Variants in KCNMA1 observed in about 807,000 individuals in gnomAD.
KCNMA1 encodes potassium calcium-activated channel subfamily M alpha 1.
A neutral mutation model predicts 140.0 loss-of-function variants in KCNMA1; 29 were observed. The ratio of observed to expected loss-of-function variants is 0.21; its 90% CI spans 0.15 to 0.28. The LOEUF is 0.28. Ranked by LOEUF, KCNMA1 falls within the 10% of genes least tolerant of loss-of-function variation. The pLI is 1.00. For synonymous variants in KCNMA1, 612 were observed against 611.9 expected, an observed-to-expected ratio of 1.00 and a Z score of 0.00; for missense variants, 880 against 1,602.2, an observed-to-expected ratio of 0.55 and a Z score of 7.70.
At chr10:77,034,188 G>A (rs1297848321) in intron 15 of KCNMA1, among the ~76,000 whole-genome samples, 1 of 147,846 alleles carries the variant, frequency 6.8e-6, no homozygotes, top group African/African-American at 2.5e-5. Flanking sequence ...AGGTTGCCGT[G>A]AGCTAAGATC....
At chr10:77,474,823 T>C (rs969999902) in intron 1 of KCNMA1, among the ~76,000 whole-genome samples, 4 of 152,156 alleles carry the variant, frequency 2.6e-5, no homozygotes, top group Admixed American at 2.0e-4. Flanking sequence ...AGCAAGCTGC[T>C]CAGTCTTGGG....
chr10:77,105,943 T>C (rs1564568745), intron 9 of KCNMA1, among the ~76,000 whole-genome samples: 1 of 152,172 alleles, frequency 6.6e-6, no homozygotes, highest in Non-Finnish European at 1.5e-5. Context: ...GAATTCCAAA[T>C]GAAAACTCAA....
intron 1 of KCNMA1, among the ~76,000 whole-genome samples, chr10:77,444,342 T>C (rs1431617527): frequency 2.6e-5 from 4 of 152,292 alleles, no homozygotes; most frequent in East Asian, 3.9e-4. Context: ...TGTTTTGCCA[T>C]AGTAAATTCT....
intron 2 of KCNMA1, among the ~76,000 whole-genome samples, chr10:77,328,898 T>G (rs1783661036): frequency 6.6e-6 from 1 of 152,206 alleles, no homozygotes; most frequent in Non-Finnish European, 1.5e-5. Flanking sequence ...TGGAGTGCAG[T>G]GGCATGATCT....
intron 1 of KCNMA1, among the ~76,000 whole-genome samples, chr10:77,520,535 T>C (rs182968082): frequency 6.6e-6 from 1 of 152,150 alleles, no homozygotes; most frequent in East Asian, 1.9e-4. Context: ...GCCATTGTTG[T>C]CTTTATCATT....
intron 19 of KCNMA1, among the ~76,000 whole-genome samples, chr10:76,989,795 ACAGT>A (rs909550988): frequency 2.9e-5 from 4 of 139,976 alleles, no homozygotes; most frequent in Non-Finnish European, 6.1e-5. Flanking sequence ...TAGCTTGATG[ACAGT>A]CAGTCATTTG....
chr10:77,421,921 C>T (rs778988488), intron 1 of KCNMA1, among the ~76,000 whole-genome samples: 1 of 152,190 alleles, frequency 6.6e-6, no homozygotes, highest in Non-Finnish European at 1.5e-5. Flanking sequence ...TGTAAATTCA[C>T]GGAACACCAG....
intron 19 of KCNMA1, among the ~76,000 whole-genome samples, chr10:77,000,863 T>A (rs1181421072): frequency 0.087 from 1,166 of 13,428 alleles, 169 homozygotes; most frequent in Middle Eastern, 0.2. Context: ...AGAAAATATA[T>A]ATATATATAT....
intron 9 of KCNMA1, among the ~76,000 whole-genome samples, chr10:77,096,715 C>T (rs528425738): frequency 6.6e-6 from 1 of 152,292 alleles, no homozygotes; most frequent in South Asian, 2.1e-4. Flanking sequence ...TCCTATACAG[C>T]TTTGCCTGAA....
chr10:77,426,380 T>C (rs538331685), intron 1 of KCNMA1, among the ~76,000 whole-genome samples: 3 of 152,252 alleles, frequency 2.0e-5, no homozygotes, highest in African/African-American at 7.2e-5. Flanking sequence ...AAATAGTAAC[T>C]CATTGAATCC....
At chr10:77,004,733 C>T (rs535491691) in intron 18 of KCNMA1, among the ~76,000 whole-genome samples, 1 of 152,266 alleles carries the variant, frequency 6.6e-6, no homozygotes, top group South Asian at 2.1e-4. Flanking sequence ...TACCACCCCT[C>T]ATCTCTCTCA....
chr10:77,211,440 G>A (rs2046052127), intron 3 of KCNMA1, among the ~76,000 whole-genome samples: 1 of 152,164 alleles, frequency 6.6e-6, no homozygotes, highest in East Asian at 1.9e-4. Context: ...CTTTCACCAT[G>A]TACAAAAATT....
At position 77,501,944 on chromosome 10, in the gene KCNMA1, GCTGA is replaced by G. The variant is rs375677606; in HGVS notation, c.379-97925_379-97922del. ...GAGATGTGTCAGGGATTTCACTGTGGCTGACTGTGTGTCATCATGATTAGATCAT... is the reference window on the plus strand; with the variant it reads ...GAGATGTGTCAGGGATTTCACTGTGGCTGTGTGTCATCATGATTAGATCAT... On this transcript the variant is annotated intron_variant, in intron 1 of 27. Coordinates refer to ENST00000286628, the MANE Select transcript of KCNMA1 (RefSeq NM_001161352.2). Among the ~76,000 whole-genome samples the G allele has an allele frequency of 4.9e-3, 751 of 152,288 alleles. 4 individuals carry two copies. The highest frequency in any genetic ancestry group is 0.018 in the African/African-American group (730 of 41,558).
At chr10:77,601,956 G>A (rs1034318174) in intron 1 of KCNMA1, among the ~76,000 whole-genome samples, 16 of 152,114 alleles carry the variant, frequency 1.1e-4, no homozygotes, top group Admixed American at 5.2e-4. Context: ...CCTTGATTTC[G>A]AGAAGAGCCA....
chr10:77,365,311 G>T (rs914878822), intron 2 of KCNMA1, among the ~76,000 whole-genome samples: 1 of 152,170 alleles, frequency 6.6e-6, no homozygotes, highest in East Asian at 1.9e-4. Context: ...GGCAATTCAT[G>T]TGCATCCTCC....
intron 1 of KCNMA1, among the ~76,000 whole-genome samples, chr10:77,597,190 T>C (rs2081197538): frequency 6.6e-6 from 1 of 152,126 alleles, no homozygotes. Context: ...AAAATTATGG[T>C]ACCTCTATAC....
At chr10:77,528,236 A>G (rs1471642764) in intron 1 of KCNMA1, among the ~76,000 whole-genome samples, 2 of 152,206 alleles carry the variant, frequency 1.3e-5, no homozygotes, top group Non-Finnish European at 2.9e-5. Context: ...CACATCCTCA[A>G]GAATCCAGCA....
intron 19 of KCNMA1, among the ~76,000 whole-genome samples, chr10:76,973,665 T>C (rs2076705006): frequency 6.6e-6 from 1 of 152,176 alleles, no homozygotes; most frequent in African/African-American, 2.4e-5. Context: ...TACTCGACTT[T>C]TCATCAGCAT....
intron 1 of KCNMA1, among the ~76,000 whole-genome samples, chr10:77,507,116 C>T (rs1365144193): frequency 6.6e-6 from 1 of 152,142 alleles, no homozygotes; most frequent in Non-Finnish European, 1.5e-5. Flanking sequence ...ACTTTTGTTT[C>T]CATAGTCTAT....
Sources: gnomAD v4.1 joint callset for allele counts (sites outside exome capture counted in the v4.1 genomes callset) on GRCh38, gnomAD v4.1.1 for gene constraint, MANE v1.5 for transcripts, NCBI Gene and HGNC (gene_info 2026-07-23, HGNC 2026-07-21) for gene names.